The following VWDE variants were observed in gnomAD, a reference collection of about 807,000 sequenced individuals.
The protein encoded by VWDE is von Willebrand factor D and EGF domain-containing protein.
Under a neutral mutation model 178.4 loss-of-function variants are expected in VWDE, and 207 were observed. The ratio of observed to expected loss-of-function variants is 1.16; its 90% CI spans 1.04 to 1.30. The LOEUF (loss-of-function observed/expected upper bound fraction) is 1.30. Among genes scored for constraint, VWDE ranks in the 50% most tolerant of loss-of-function variants. The pLI, the probability that VWDE is intolerant of heterozygous loss-of-function variation, is 0.00. For synonymous variants in VWDE, 738 were observed against 651.4 expected (o/e 1.13, Z -2.02); for missense variants, 2,287 against 1,901.3 (o/e 1.20, Z -3.77).
intron 27 of VWDE, among the ~76,000 whole-genome samples, chr7:12,335,525 T>G (rs769585709): frequency 4.6e-5 from 7 of 152,044 alleles, no homozygotes; most frequent in East Asian, 1.9e-4. Context: ...GCGCGATCTC[T>G]GCTCACTGCA....
intron 19 of VWDE, among the ~76,000 whole-genome samples, chr7:12,347,373 A>AT (rs1049775255): frequency 1.3e-5 from 2 of 152,132 alleles, no homozygotes; most frequent in South Asian, 2.1e-4. Flanking sequence ...AGTAAAGCAC[A>AT]TTTTTTCTTT....
intron 3 of VWDE, among the ~76,000 whole-genome samples, chr7:12,387,516 G>A (rs939524714): frequency 4.0e-5 from 6 of 151,474 alleles, no homozygotes; most frequent in African/African-American, 1.2e-4. Context: ...TTTTGAGATT[G>A]GGTATTTTAT....
intron 3 of VWDE, among the ~76,000 whole-genome samples, chr7:12,384,946 AT>A (rs1341512014): frequency 6.6e-6 from 1 of 152,068 alleles, no homozygotes; most frequent in East Asian, 1.9e-4. Flanking sequence ...ACTTTAATTG[AT>A]ATGATGCTAC....
At chr7:12,387,592 T>A (rs1339184006) in intron 3 of VWDE, among the ~76,000 whole-genome samples, 1 of 152,030 alleles carries the variant, frequency 6.6e-6, no homozygotes, top group East Asian at 1.9e-4. Flanking sequence ...CATATATATA[T>A]AAATATATTG....
intron 3 of VWDE, among the ~76,000 whole-genome samples, chr7:12,388,581 G>T (rs770888944): frequency 6.6e-6 from 1 of 152,058 alleles, no homozygotes; most frequent in African/African-American, 2.4e-5. Flanking sequence ...AGAACTTAGG[G>T]ATATTTACTT....
chr7:12,333,243 C>T (rs933403795), intron 28 of VWDE, among the ~76,000 whole-genome samples: 19 of 152,050 alleles, frequency 1.2e-4, no homozygotes. Flanking sequence ...TTACATTGGA[C>T]AGTTGTATCT....
At chr7:12,396,346 G>C (rs1784623416) in intron 1 of VWDE, among the ~76,000 whole-genome samples, 1 of 149,440 alleles carries the variant, frequency 6.7e-6, no homozygotes, top group African/African-American at 2.4e-5. Flanking sequence ...TTATTTTTAA[G>C]AGATAAACAT....
intron 16 of VWDE, 107 bp from the exon 17 acceptor site, chr7:12,357,622 C>T: frequency 8.0e-7 from 1 of 1,247,888 alleles, no homozygotes; most frequent in Non-Finnish European, 1.1e-6. Flanking sequence ...CTGAACTCTG[C>T]TAAAAGGTCT....
rs757274318 is a variant in VWDE at position 12,369,969 on chromosome 7, G to GA, written c.2336dup (p.Glu781ArgfsTer5). Reference sequence around the variant, plus strand: ...GTACATCCTCAGCATGGTCCTCTGGGAAAAAATAAGTAAGTTCTTCCAGAT... The same window carrying GA: ...GTACATCCTCAGCATGGTCCTCTGGGAAAAAAATAAGTAAGTTCTTCCAGAT... On this transcript the variant is annotated frameshift_variant, in exon 12 of 29. Coordinates refer to ENST00000275358, the MANE Select transcript of VWDE (RefSeq NM_001135924.3). LOFTEE classifies it high-confidence loss of function. 17 of 1,551,294 alleles carry GA rather than the reference G, an allele frequency of 1.1e-5. No individual in the cohort carries two copies. Among genetic ancestry groups the GA allele is most frequent in the Non-Finnish European group, 1.4e-5 (16 of 1,146,866 alleles).
chr7:12,344,542 G>T, intron 19 of VWDE, 73 bp from the exon 20 acceptor site: 1 of 1,204,386 alleles, frequency 8.3e-7, no homozygotes, highest in Non-Finnish European at 1.2e-6. Context: ...ACTTAGTTAT[G>T]ATAGAAGCAA....
intron 3 of VWDE, among the ~76,000 whole-genome samples, chr7:12,388,394 T>C (rs183830170): frequency 3.7e-4 from 57 of 152,260 alleles, no homozygotes; most frequent in African/African-American, 1.3e-3. Flanking sequence ...AGTAGATTTT[T>C]TTTTTCCTTA....
At chr7:12,331,320 A>G in intron 28 of VWDE, 123 bp from the exon 29 acceptor site, 1 of 709,014 alleles carries the variant, frequency 1.4e-6, no homozygotes. Flanking sequence ...TCTGTTTGCC[A>G]CTAGACTCAA....
intron 19 of VWDE, among the ~76,000 whole-genome samples, chr7:12,347,799 C>T (rs1433013008): frequency 1.3e-5 from 2 of 152,004 alleles, no homozygotes; most frequent in Non-Finnish European, 2.9e-5. Flanking sequence ...AAGCTGGAGG[C>T]ATCACACTAC....
At chr7:12,388,537 C>T (rs988234416) in intron 3 of VWDE, among the ~76,000 whole-genome samples, 2 of 152,136 alleles carry the variant, frequency 1.3e-5, no homozygotes, top group African/African-American at 4.8e-5. Flanking sequence ...TTCCTTGCCT[C>T]TATTTAATTA....
intron 1 of VWDE, among the ~76,000 whole-genome samples, chr7:12,394,001 T>C (rs1409554912): frequency 6.6e-6 from 1 of 152,214 alleles, no homozygotes; most frequent in Admixed American, 6.5e-5. Context: ...CTCTTTAGAA[T>C]GTACTTTTGA....
At chr7:12,388,535 C>T (rs978550425) in intron 3 of VWDE, among the ~76,000 whole-genome samples, 4 of 152,046 alleles carry the variant, frequency 2.6e-5, no homozygotes, top group Admixed American at 6.6e-5. Flanking sequence ...GTTTCCTTGC[C>T]TCTATTTAAT....
intron 18 of VWDE, among the ~76,000 whole-genome samples, chr7:12,352,058 C>T (rs1478385460): frequency 6.6e-6 from 1 of 152,156 alleles, no homozygotes; most frequent in Non-Finnish European, 1.5e-5. Flanking sequence ...CAGGGAAGAC[C>T]TGGTGAGAAC....
At chr7:12,333,613 T>C (rs1239532870) in intron 27 of VWDE, 45 bp from the exon 28 acceptor site, 1 of 1,325,180 alleles carries the variant, frequency 7.5e-7, no homozygotes, top group Non-Finnish European at 1.1e-6. Context: ...TGACATGAAA[T>C]GCTTGTGGCA....
intron 21 of VWDE, 109 bp from the exon 22 acceptor site, chr7:12,343,287 A>G: frequency 1.4e-6 from 1 of 694,534 alleles, no homozygotes; most frequent in South Asian, 2.0e-5. Flanking sequence ...AATTTATAAT[A>G]CATTAAGCTC....
Sources: allele counts gnomAD v4.1 joint callset (sites outside exome capture counted in the v4.1 genomes callset), GRCh38; gene constraint gnomAD v4.1.1; transcripts MANE v1.5; gene names NCBI Gene and HGNC (gene_info 2026-07-23, HGNC 2026-07-21).